MUC4: variants seen among roughly 807,000 people sequenced by gnomAD.
The protein encoded by MUC4 is mucin-4.
Under a neutral mutation model 257.9 loss-of-function variants are expected in MUC4, and 202 were observed. That is an observed-to-expected ratio of 0.78 (90% CI 0.70 to 0.88). The LOEUF (loss-of-function observed/expected upper bound fraction) is 0.88. Among genes scored for constraint, MUC4 ranks in the 40% least tolerant of loss-of-function variants. MUC4 has a pLI of 0.00. For missense variants in MUC4, 5,976 were observed against 6,513.7 expected, an observed-to-expected ratio of 0.92 and a Z score of 2.84; for synonymous variants, 2,351 against 2,757.1, an observed-to-expected ratio of 0.85 and a Z score of 4.62.
intron 1 of MUC4, among the ~76,000 whole-genome samples, chr3:195,801,480 G>T (rs1735304422): frequency 6.6e-6 from 1 of 151,886 alleles, no homozygotes; most frequent in African/African-American, 2.4e-5. Flanking sequence ...TCACTGCTCT[G>T]CCTCTGTGTC....
In MUC4 at chr3:195,781,571, C is replaced by G; in HGVS notation, c.10009G>C (p.Ala3337Pro). The G allele has an allele frequency of 4.2e-6, 3 of 710,512 alleles. 1 individual carries two copies. Among genetic ancestry groups the G allele is most frequent in the Non-Finnish European group, 5.6e-6 (3 of 531,828 alleles). 44.0% of individuals were successfully genotyped at this position (710,512 alleles called of 1,614,324 possible). The change falls in exon 2 of 25, where the codon GCA (alanine) becomes CCA (proline). Residue 3337 changes from alanine to proline, a missense_variant. Ala to Pro is a conservative substitution (Grantham distance 27). Around this residue, in one of 44 missense-constraint regions of MUC4, gnomAD observed 72 missense variants for 33.5 expected, o/e 2.15. Coordinates refer to ENST00000463781, the MANE Select transcript of MUC4 (RefSeq NM_018406.7). ...ACAGGGGTGGTGTCACCTGTGGATG[C>G]TGAGGAAGGGCTGGTGACATGAAGA... ...TPLHVTSPSS[A>P]STGDTTPVPV...
chr3:195,764,183 A>C lies in MUC4; in HGVS notation c.13925-19T>G, dbSNP rs1357411747. 1 of 1,555,104 alleles carries C rather than the reference A, an allele frequency of 6.4e-7. No homozygotes were observed. The stretch of plus-strand genomic sequence containing the variant: ...TCCTGGGCTGCGGAGAACAGCAGTG[A>C]GTCGGGGAGGTTGAGGACCTGGAGA... On this transcript the variant is annotated intron_variant, in intron 10 of 24. Transcript: ENST00000463781.
At chr3:195,750,092 C>G (rs894924055) in intron 23 of MUC4, 4 of 152,290 alleles carry the variant, frequency 2.6e-5, no homozygotes, top group Non-Finnish European at 4.4e-5. Context: ...TGGTCCCAGA[C>G]CCAAGTAAAA....
chr3:195,753,927 C>G (rs943780775), intron 19 of MUC4: 59 of 392,232 alleles, frequency 1.5e-4, no homozygotes, highest in African/African-American at 1.1e-3. Context: ...GGGCTCCCCC[C>G]ATCAATGCCT....
chr3:195,767,555 TTACCATTGCCACCACCATCACCAC>T (rs1721091741), intron 7 of MUC4, among the ~76,000 whole-genome samples: 5 of 53,120 alleles, frequency 9.4e-5, no homozygotes, highest in African/African-American at 5.9e-4. Context: ...ACCATCACCA[TTACCATTGCCACCACCATCACCAC>T]CACCATCACC....
rs768130247 is a variant in MUC4, at chr3:195,747,128, G to A, written c.*48C>T. The stretch of plus-strand genomic sequence containing the variant: ...AAAAGCAATGGCGCCTTAAATGTGC[G>A]GTAAGGATGAGGTGAGTCTTGAGGT... On this transcript the variant is annotated 3_prime_UTR_variant, in exon 25 of 25. Transcript: ENST00000463781. 4.2e-5 allele frequency: 67 copies of A among 1,606,594 alleles called. No homozygotes were observed. The highest frequency in any genetic ancestry group is 1.7e-4 in the Middle Eastern group (1 of 6,058).
chr3:195,800,605 G>A (rs1403162990), intron 1 of MUC4, among the ~76,000 whole-genome samples: 1 of 152,152 alleles, frequency 6.6e-6, no homozygotes, highest in African/African-American at 2.4e-5. Context: ...TTATTCAGCT[G>A]TTTAGGAAAA....
chr3:195,751,240 C>T lies in MUC4; in HGVS notation c.15614G>A (p.Arg5205Gln), dbSNP rs754854368. Residue 5205 changes from arginine to glutamine, a missense_variant, in exon 22 of 25, where the codon CGG becomes CAG. Physicochemically the swap from Arg to Gln is conservative, Grantham distance 43. Transcript: ENST00000463781. Reference protein sequence around the residue: ...VAYRLGTLDMRAFLRNSQVER... With the variant: ...VAYRLGTLDMQAFLRNSQVER... Reference sequence around the variant, plus strand: ...CACTTGGCTGTTGCGGAGAAAGGCCCGCATGTCCAGGGTCCCCAGTCTGTA... The same window carrying T: ...CACTTGGCTGTTGCGGAGAAAGGCCTGCATGTCCAGGGTCCCCAGTCTGTA... 6.2e-5 allele frequency: 99 copies of T among 1,607,384 alleles called. 1 individual carries two copies. In the South Asian group the frequency reaches 8.7e-4, roughly 14 times the overall value.
Position 195,754,804 on chromosome 3 carries a change from ATGTATGTATCCATGTG to A in MUC4, c.15169-448_15169-433del, listed in dbSNP as rs975340930. On this transcript the variant is annotated intron_variant, in intron 18 of 24. Transcript: ENST00000463781. ...TATGTGTGTATCCATGCATGTATGC[ATGTATGTATCCATGTG>A]TGTATCCATGTGTGTATGTATCATG... 1.0e-3 allele frequency among the ~76,000 whole-genome samples: 152 copies of A among 151,756 alleles called. 1 individual carries two copies. The Middle Eastern group carries it at 0.031, about 31-fold the overall frequency.
chr3:195,763,445 C>T lies in MUC4; in HGVS notation c.14241G>A (p.Leu4747=), dbSNP rs575883372. ...ACCCCTCACTCACCGTGACGGGGCC[C>T]AGGCTGCTGGAGCGGTACTGAGCCG... ...AFAAQYRSSS[L]GPVTVQWLLE... The change falls in exon 12 of 25, where the codon CTG becomes CTA. Residue 4747 remains leucine (L), a synonymous_variant. Transcript: ENST00000463781. 9.8e-6 allele frequency: 14 copies of T among 1,421,324 alleles called. No homozygotes were observed. The Admixed American group carries it at 4.2e-4, about 43-fold the overall frequency. 88.0% of individuals were successfully genotyped at this position (1,421,324 alleles called of 1,614,324 possible).
intron 7 of MUC4, among the ~76,000 whole-genome samples, chr3:195,767,609 TTGCCAC>T (rs1459217299): frequency 3.2e-3 from 88 of 27,234 alleles, no homozygotes; most frequent in Non-Finnish European, 4.8e-3. Context: ...ATCATCACCA[TTGCCAC>T]CACCATCACC....
At chr3:195,774,067 A>C in intron 4 of MUC4, 105 bp downstream of exon 4, 1 of 1,370,074 alleles carries the variant, frequency 7.3e-7, no homozygotes, top group Non-Finnish European at 9.7e-7. Flanking sequence ...CGAGGGGCCC[A>C]GCCAAGGCTG....
At position 195,747,173 on chromosome 3, in the gene MUC4, C is replaced by G; in HGVS notation, c.*3G>C. ...TGAGGTAGCCTAGGCCACAGCTGCC[C>G]CTTCAAGGCAAGGCCTCAGCTGAGT... On this transcript the variant is annotated 3_prime_UTR_variant, in exon 25 of 25. Coordinates refer to ENST00000463781, the MANE Select transcript of MUC4 (RefSeq NM_018406.7). 6.2e-7 allele frequency: 1 copy of G among 1,614,246 alleles called. No individual in the cohort carries two copies. Among genetic ancestry groups the G allele is most frequent in the Non-Finnish European group, 8.5e-7 (1 of 1,180,048 alleles).
At position 195,748,975 on chromosome 3, in the gene MUC4, C is replaced by T. The variant is rs139342438; in HGVS notation, c.15961G>A (p.Val5321Met). ...CAGTAGCCCCTACTGCACGGGGACA[C>T]GCAGGTGAAGCCGCTCTGGGGGCTG... ...VYSPQSGFTC[V>M]SPCSRGYCDH... The change falls in exon 24 of 25, where the codon GTG (valine) becomes ATG (methionine). Residue 5321 changes from valine to methionine, a missense_variant. Val to Met is a conservative substitution (Grantham distance 21, BLOSUM62 1). This residue lies in a region of MUC4 where 310 missense variants were observed against 242.1 expected (regional missense o/e 1.28). Transcript: ENST00000463781. The T allele has an allele frequency of 1.0e-4, 166 of 1,609,516 alleles. No individual in the cohort carries two copies. In the African/African-American group the frequency reaches 1.4e-3, roughly 13 times the overall value.
At chr3:195,776,203 A>G (rs1455956832) in intron 3 of MUC4, among the ~76,000 whole-genome samples, 4 of 47,326 alleles carry the variant, frequency 8.5e-5, no homozygotes, top group Admixed American at 2.0e-4. Flanking sequence ...TACCTTCCAC[A>G]CCCATACCTT....
In MUC4 at chr3:195,762,269, G is replaced by A. The variant is rs375501406; in HGVS notation, c.14345-15C>T. On this transcript the variant is annotated splice_polypyrimidine_tract_variant and intron_variant, in intron 13 of 24. Coordinates refer to ENST00000463781, the MANE Select transcript of MUC4 (RefSeq NM_018406.7). ...CGTCTCCTGGCCTGGAGCATCGGGA[G>A]GCAGCGGAGAGGAAGCCAGGTCGGC... 4.1e-5 allele frequency: 64 copies of A among 1,561,870 alleles called. No homozygotes were observed. In the African/African-American group the frequency reaches 7.9e-4, roughly 19 times the overall value.
rs201824339 is a variant in MUC4, at chr3:195,786,320, A to G, written c.5260T>C (p.Ser1754Pro). ...GGAAGAGGGGTGGCCTGACCTGTGG[A>G]TGCTGAGGAAGCGTCAGTGACAAGA... The part of the protein sequence containing the change: ...PLLVTDASSA[S>P]TGQATPLPVT... Residue 1754 changes from serine to proline, a missense_variant, in exon 2 of 25, where the codon TCC (serine) becomes CCC (proline). Ser to Pro is a moderately conservative substitution (Grantham distance 74). This residue lies in a region of MUC4 where 138 missense variants were observed against 107.8 expected (regional missense o/e 1.28). Transcript: ENST00000463781. The G allele has an allele frequency of 2.0e-6, 3 of 1,519,456 alleles. No individual in the cohort carries two copies. Among genetic ancestry groups the G allele is most frequent in the Non-Finnish European group, 2.7e-6 (3 of 1,126,362 alleles). 94.1% of individuals were successfully genotyped at this position (1,519,456 alleles called of 1,614,324 possible). A position where few individuals can be genotyped will look rare whatever the true frequency, so the allele number is the denominator to read the frequency against.
intron 1 of MUC4, among the ~76,000 whole-genome samples, chr3:195,805,223 A>G (rs1022570604): frequency 1.3e-5 from 2 of 152,096 alleles, no homozygotes; most frequent in African/African-American, 4.8e-5. Flanking sequence ...ATCCCCGCCG[A>G]AGTCACACCC....
chr3:195,804,331 G>A (rs910405599), intron 1 of MUC4, among the ~76,000 whole-genome samples: 1 of 152,232 alleles, frequency 6.6e-6, no homozygotes, highest in Non-Finnish European at 1.5e-5. Flanking sequence ...AGTAGGCATC[G>A]TTTTCCCCAG....
Sources: gnomAD v4.1 joint callset for allele counts (sites outside exome capture counted in the v4.1 genomes callset) on GRCh38, gnomAD v4.1.1 for gene constraint, gnomAD v4.1.1 regional missense constraint, MANE v1.5 for transcripts, NCBI Gene and HGNC (gene_info 2026-07-23, HGNC 2026-07-21) for gene names.